The following NEK11 variants were observed in gnomAD, a reference collection of about 807,000 sequenced individuals.
The protein encoded by NEK11 is serine/threonine-protein kinase Nek11.
Under a neutral mutation model 80.7 loss-of-function variants are expected in NEK11, and 72 were observed. The observed-to-expected ratio is 0.89, with a 90% confidence interval of 0.74 to 1.08. The LOEUF is 1.08. NEK11 is among the 50% of genes least tolerant of loss of function. The pLI is 0.00. For synonymous variants in NEK11, 251 were observed against 260.7 expected (o/e 0.96, Z 0.36); for missense variants, 764 against 763.6 (o/e 1.00, Z -0.01).
intron 3 of NEK11, among the ~76,000 whole-genome samples, chr3:131,040,457 A>T (rs918888261): frequency 2.0e-5 from 3 of 152,204 alleles, no homozygotes; most frequent in African/African-American, 7.2e-5. Flanking sequence ...TTATACACTT[A>T]AAATATGTGC....
At chr3:131,296,450 A>G (rs560554140) in intron 17 of NEK11, among the ~76,000 whole-genome samples, 2 of 152,188 alleles carry the variant, frequency 1.3e-5, no homozygotes, top group South Asian at 2.1e-4. Context: ...TTTCTGACCT[A>G]TGTTATTTTC....
intron 14 of NEK11, among the ~76,000 whole-genome samples, chr3:131,183,855 A>G (rs988410386): frequency 6.6e-6 from 1 of 152,138 alleles, no homozygotes; most frequent in Non-Finnish European, 1.5e-5. Flanking sequence ...TTGAGGAATC[A>G]CCACACTGTC....
intron 14 of NEK11, among the ~76,000 whole-genome samples, chr3:131,184,340 A>G (rs2093504531): frequency 6.6e-6 from 1 of 152,190 alleles, no homozygotes; most frequent in Admixed American, 6.5e-5. Context: ...CAGACTTCCT[A>G]GATCAGAAGA....
chr3:131,122,387 C>T (rs1014558451), intron 5 of NEK11, among the ~76,000 whole-genome samples: 1 of 152,208 alleles, frequency 6.6e-6, no homozygotes, highest in Non-Finnish European at 1.5e-5. Flanking sequence ...TGTAGGCACA[C>T]TCCTGATATG....
chr3:131,138,194 G>C (rs570364070), intron 7 of NEK11, among the ~76,000 whole-genome samples: 1 of 152,188 alleles, frequency 6.6e-6, no homozygotes, highest in Admixed American at 6.5e-5. Context: ...TGAGGGGTGA[G>C]TTCCAGGCCT....
At chr3:131,325,245 AG>A (rs1412194417) in intron 17 of NEK11, 3 of 152,244 alleles carry the variant, frequency 2.0e-5, no homozygotes, top group African/African-American at 7.2e-5. Context: ...AGTCAGCTAT[AG>A]AATCAAAGGG....
intron 16 of NEK11, among the ~76,000 whole-genome samples, chr3:131,251,510 T>C (rs1181516433): frequency 6.6e-6 from 1 of 152,100 alleles, no homozygotes; most frequent in Non-Finnish European, 1.5e-5. Context: ...AGCTAGATTA[T>C]AAAATAAAAA....
At chr3:131,073,166 C>G (rs1452967990) in intron 3 of NEK11, among the ~76,000 whole-genome samples, 1 of 152,146 alleles carries the variant, frequency 6.6e-6, no homozygotes, top group East Asian at 1.9e-4. Context: ...TATTTCCAGC[C>G]TTGAGACATG....
intron 16 of NEK11, among the ~76,000 whole-genome samples, chr3:131,265,157 C>T (rs1444738563): frequency 6.6e-6 from 1 of 152,206 alleles, no homozygotes; most frequent in Admixed American, 6.5e-5. Context: ...ATGTGATCTG[C>T]AAACAGAGAC....
intron 16 of NEK11, among the ~76,000 whole-genome samples, chr3:131,267,397 C>T (rs1397034582): frequency 2.0e-5 from 3 of 152,262 alleles, no homozygotes; most frequent in South Asian, 2.1e-4. Context: ...GCGATAAAAT[C>T]GCTCAACATT....
intron 14 of NEK11, among the ~76,000 whole-genome samples, chr3:131,213,191 C>CCACACACACA (rs3050805): frequency 4.7e-5 from 7 of 149,104 alleles, no homozygotes; most frequent in East Asian, 4.0e-4. Flanking sequence ...CCACCCATCT[C>CCACACACACA]CACACACACA....
intron 3 of NEK11, among the ~76,000 whole-genome samples, chr3:131,049,158 T>A (rs1354108489): frequency 6.6e-6 from 1 of 152,276 alleles, no homozygotes; most frequent in Non-Finnish European, 1.5e-5. Flanking sequence ...AAACACATTT[T>A]AAATTTTCTC....
In NEK11 at chr3:131,170,795, A is replaced by C; in HGVS notation, c.1307A>C (p.Glu436Ala). 1 of 1,614,064 alleles carries C rather than the reference A, an allele frequency of 6.2e-7. No individual in the cohort carries two copies. Among genetic ancestry groups the C allele is most frequent in the Non-Finnish European group, 8.5e-7 (1 of 1,179,870 alleles). ...REEESDEPTL[E>A]NLPESQPIPS... ...AAGGAATCTGATGAACCAACTTTAG[A>C]GAACCTGCCTGAGTCTCAGCCTATT... The change falls in exon 14 of 18, where the codon GAG (glutamate) becomes GCG (alanine). Residue 436 changes from glutamate to alanine, a missense_variant. By Grantham distance (107) the Glu-to-Ala change is moderately radical. Coordinates refer to ENST00000383366, the MANE Select transcript of NEK11 (RefSeq NM_024800.5).
At chr3:131,313,741 A>C (rs1246349195) in intron 17 of NEK11, among the ~76,000 whole-genome samples, 1 of 152,188 alleles carries the variant, frequency 6.6e-6, no homozygotes, top group African/African-American at 2.4e-5. Context: ...CAAACAAAAC[A>C]ATCTTAGGAA....
chr3:131,257,043 G>A (rs1204718859), intron 16 of NEK11, among the ~76,000 whole-genome samples: 2 of 151,968 alleles, frequency 1.3e-5, no homozygotes, highest in Non-Finnish European at 1.5e-5. Context: ...GGAGTACAGT[G>A]GCACAATCAT....
intron 17 of NEK11, among the ~76,000 whole-genome samples, chr3:131,337,576 T>C (rs2097207562): frequency 6.6e-6 from 1 of 151,906 alleles, no homozygotes; most frequent in Non-Finnish European, 1.5e-5. Context: ...GTAACTAACC[T>C]GCACATTGTG....
At chr3:131,038,286 C>T (rs142519430) in intron 3 of NEK11, among the ~76,000 whole-genome samples, 110 of 152,192 alleles carry the variant, frequency 7.2e-4, no homozygotes, top group Non-Finnish European at 1.2e-3. Context: ...TAAGGTCAAG[C>T]CTCTGAGCTT....
At position 131,047,425 on chromosome 3, in the gene NEK11, G is replaced by A. The variant is rs184048980; in HGVS notation, c.170+17547G>A. 1.5e-3 allele frequency among the ~76,000 whole-genome samples: 226 copies of A among 152,280 alleles called. 1 individual carries two copies. The highest frequency in any genetic ancestry group is 5.2e-3 in the African/African-American group (217 of 41,554). ...GACTACATCAGAGAAATGATCTGGG[G>A]CTCAAGGACTGCTGTTTAGATTCTT... On this transcript the variant is annotated intron_variant, in intron 3 of 17. Transcript: ENST00000383366.
intron 14 of NEK11, among the ~76,000 whole-genome samples, chr3:131,176,814 C>G (rs2093044026): frequency 6.6e-6 from 1 of 152,038 alleles, no homozygotes; most frequent in African/African-American, 2.4e-5. Context: ...AAGTAAACCG[C>G]CTGGGAAGGC....
Sources: gnomAD v4.1 joint callset for allele counts (sites outside exome capture counted in the v4.1 genomes callset) on GRCh38, gnomAD v4.1.1 for gene constraint, MANE v1.5 for transcripts, NCBI Gene and HGNC (gene_info 2026-07-23, HGNC 2026-07-21) for gene names.